Variants in PRKCI observed in about 807,000 individuals in gnomAD.
PRKCI encodes protein kinase C iota type.
Under a neutral mutation model 84.0 loss-of-function variants are expected in PRKCI, and 43 were observed. The ratio of observed to expected loss-of-function variants is 0.51; its 90% CI spans 0.40 to 0.66. The LOEUF is 0.66. Among genes scored for constraint, PRKCI ranks in the 30% least tolerant of loss-of-function variants. The probability of loss-of-function intolerance (pLI) is 0.00; values close to 1 mark genes in which losing one functional copy is unlikely to be tolerated. For synonymous variants in PRKCI, 216 were observed against 234.4 expected (o/e 0.92, Z 0.72); for missense variants, 459 against 745.6 (o/e 0.62, Z 4.48).
At chr3:170,250,726 A>C (rs980523328) in intron 2 of PRKCI, among the ~76,000 whole-genome samples, 1 of 152,194 alleles carries the variant, frequency 6.6e-6, no homozygotes, top group Admixed American at 6.5e-5. Context: ...TTGTGTGAAT[A>C]TGTTTTCATT....
intron 2 of PRKCI, among the ~76,000 whole-genome samples, chr3:170,257,166 A>G (rs2108847143): frequency 6.6e-6 from 1 of 152,350 alleles, no homozygotes. Flanking sequence ...GGAAAACAAC[A>G]TTTTGAAATA....
chr3:170,226,250 C>T (rs1036539830), intron 1 of PRKCI, among the ~76,000 whole-genome samples: 1 of 152,266 alleles, frequency 6.6e-6, no homozygotes, highest in East Asian at 1.9e-4. Flanking sequence ...ATTAATAGCA[C>T]TGAAAATTCA....
intron 9 of PRKCI, 50 bp from the exon 10 acceptor site, chr3:170,281,116 A>G (rs1734232011): frequency 6.8e-7 from 1 of 1,465,180 alleles, no homozygotes; most frequent in Non-Finnish European, 9.5e-7. Context: ...CAAATTTATC[A>G]TTAATTGTGA....
At chr3:170,249,796 C>G (rs1189932234) in intron 2 of PRKCI, among the ~76,000 whole-genome samples, 1 of 130,462 alleles carries the variant, frequency 7.7e-6, no homozygotes, top group Non-Finnish European at 1.6e-5. Flanking sequence ...GACTCTGTCT[C>G]AGAAAAAAAA....
chr3:170,232,583 TAG>T (rs1732831034), intron 1 of PRKCI, among the ~76,000 whole-genome samples: 1 of 151,830 alleles, frequency 6.6e-6, no homozygotes, highest in South Asian at 2.1e-4. Flanking sequence ...TTTTTTTTTT[TAG>T]AGACAGAGTC....
At chr3:170,280,452 C>T (rs1217629935) in intron 9 of PRKCI, 49 bp downstream of exon 9, 34 of 1,135,688 alleles carry the variant, frequency 3.0e-5, no homozygotes, top group Non-Finnish European at 3.1e-5. Flanking sequence ...GAATACTATT[C>T]TTTTTTTTTT....
At chr3:170,286,819 T>G (rs1734404665) in intron 12 of PRKCI, among the ~76,000 whole-genome samples, 1 of 151,414 alleles carries the variant, frequency 6.6e-6, no homozygotes, top group South Asian at 2.1e-4. Flanking sequence ...TTCTTTTTTT[T>G]TTTTTTAAAT....
intron 17 of PRKCI, 42 bp downstream of exon 17, chr3:170,299,152 G>A: frequency 8.1e-7 from 1 of 1,231,326 alleles, no homozygotes; most frequent in South Asian, 1.5e-5. Flanking sequence ...TAAGTTCTTT[G>A]GAAATCCCAT....
chr3:170,269,436 G>A (rs1383786095), intron 5 of PRKCI, among the ~76,000 whole-genome samples: 2 of 152,040 alleles, frequency 1.3e-5, no homozygotes, highest in African/African-American at 4.8e-5. Flanking sequence ...CTGCGAAGGG[G>A]GAACACTGAA....
intron 11 of PRKCI, among the ~76,000 whole-genome samples, chr3:170,283,609 C>CAT (rs1734307597): frequency 6.6e-6 from 1 of 152,140 alleles, no homozygotes; most frequent in Non-Finnish European, 1.5e-5. Flanking sequence ...GAATTGTGAA[C>CAT]ATAGCCAATA....
chr3:170,225,437 T>A (rs755535840), intron 1 of PRKCI, among the ~76,000 whole-genome samples: 43 of 152,334 alleles, frequency 2.8e-4, no homozygotes, highest in Non-Finnish European at 4.9e-4. Flanking sequence ...CTACCTGATT[T>A]TAAAATAGAA....
chr3:170,277,843 A>T (rs1346008989), intron 8 of PRKCI, among the ~76,000 whole-genome samples: 4 of 151,794 alleles, frequency 2.6e-5, no homozygotes, highest in South Asian at 2.1e-4. Context: ...GTGTGTGTAT[A>T]TTTGTTTTTT....
intron 8 of PRKCI, among the ~76,000 whole-genome samples, chr3:170,276,825 G>T (rs1468345422): frequency 6.6e-6 from 1 of 152,014 alleles, no homozygotes; most frequent in Non-Finnish European, 1.5e-5. Flanking sequence ...CGCAGCAAAA[G>T]AATCCACCAA....
At chr3:170,283,805 C>T (rs1476568509) in intron 11 of PRKCI, among the ~76,000 whole-genome samples, 2 of 152,168 alleles carry the variant, frequency 1.3e-5, no homozygotes, top group Non-Finnish European at 1.5e-5. Flanking sequence ...CACACATGAT[C>T]ATGATAATGT....
chr3:170,287,176 A>T (rs1211577541), intron 12 of PRKCI, among the ~76,000 whole-genome samples: 2 of 151,970 alleles, frequency 1.3e-5, no homozygotes, highest in African/African-American at 4.8e-5. Context: ...CTCTACAAAA[A>T]ATAGGAAAAT....
chr3:170,275,795 T>C (rs1212233633), intron 8 of PRKCI, among the ~76,000 whole-genome samples: 1 of 152,212 alleles, frequency 6.6e-6, no homozygotes, highest in Non-Finnish European at 1.5e-5. Flanking sequence ...CACTCCCAGT[T>C]TGGCTTCTTG....
chr3:170,278,811 G>A (rs1734178398), intron 8 of PRKCI, among the ~76,000 whole-genome samples: 1 of 152,180 alleles, frequency 6.6e-6, no homozygotes. Context: ...AAGGCAAAGG[G>A]GAAGCAGGTG....
intron 12 of PRKCI, among the ~76,000 whole-genome samples, chr3:170,290,433 T>G (rs1009065570): frequency 3.9e-5 from 6 of 152,048 alleles, no homozygotes; most frequent in Admixed American, 6.6e-5. Flanking sequence ...ATATAATCTT[T>G]ACATGCAGGG....
intron 17 of PRKCI, among the ~76,000 whole-genome samples, chr3:170,302,820 C>CT (rs1308380442): frequency 5.3e-5 from 8 of 152,076 alleles, no homozygotes; most frequent in African/African-American, 1.9e-4. Context: ...TTTTGAACTC[C>CT]TTTTTGGCTC....
Sources: gnomAD v4.1 joint callset for allele counts (sites outside exome capture counted in the v4.1 genomes callset) on GRCh38, gnomAD v4.1.1 for gene constraint, MANE v1.5 for transcripts, NCBI Gene and HGNC (gene_info 2026-07-23, HGNC 2026-07-21) for gene names.